PRKCA: variants seen among roughly 807,000 people sequenced by gnomAD.
PRKCA encodes protein kinase C alpha type.
Under a neutral mutation model 87.0 loss-of-function variants are expected in PRKCA, and 27 were observed. The observed-to-expected ratio is 0.31, with a 90% CI of 0.23 to 0.43. The LOEUF is 0.43. PRKCA is among the 20% of genes least tolerant of loss of function. The pLI, the probability that PRKCA is intolerant of heterozygous loss-of-function variation, is 1.00. For synonymous variants in PRKCA, 329 were observed against 311.1 expected, an observed-to-expected ratio of 1.06 and a Z score of -0.61; for missense variants, 518 against 852.3, an observed-to-expected ratio of 0.61 and a Z score of 4.88.
chr17:66,418,812 C>T (rs8079499), intron 2 of PRKCA, among the ~76,000 whole-genome samples: 5,637 of 152,052 alleles, frequency 0.037, 179 homozygotes, highest in East Asian at 0.17. Context: ...AGTGCAGTGG[C>T]GCGATCTCGG....
chr17:66,323,865 A>G (rs1188177547), intron 2 of PRKCA, among the ~76,000 whole-genome samples: 2 of 152,124 alleles, frequency 1.3e-5, no homozygotes, highest in Non-Finnish European at 2.9e-5. Flanking sequence ...TGAATCTGGT[A>G]GGTAGGTGGA....
At chr17:66,421,980 A>G (rs77169728) in intron 2 of PRKCA, among the ~76,000 whole-genome samples, 6,662 of 152,198 alleles carry the variant, frequency 0.044, 178 homozygotes, top group South Asian at 0.11. Context: ...TAGATGTTTA[A>G]GATCAAGGTG....
chr17:66,356,423 C>T lies in PRKCA; in HGVS notation c.205+50296C>T, dbSNP rs182093144. On this transcript the variant is annotated intron_variant, in intron 2 of 16. Coordinates refer to ENST00000413366, the MANE Select transcript of PRKCA (RefSeq NM_002737.3). Reference sequence around the variant, plus strand: ...GGCCAAGGCAGGCAGATCACAAGGTCAGGAGATCGAGGCCATCCTAGCTAA... The same window carrying T: ...GGCCAAGGCAGGCAGATCACAAGGTTAGGAGATCGAGGCCATCCTAGCTAA... Among the ~76,000 whole-genome samples, 335 of 152,234 alleles carry T rather than the reference C, an allele frequency of 2.2e-3. 1 individual carries two copies. Among genetic ancestry groups the T allele is most frequent in the African/African-American group, 7.7e-3 (319 of 41,558 alleles).
chr17:66,745,858 T>C (rs1974267369), intron 13 of PRKCA, among the ~76,000 whole-genome samples: 1 of 152,112 alleles, frequency 6.6e-6, no homozygotes, highest in Non-Finnish European at 1.5e-5. Flanking sequence ...CAAGCCCAGG[T>C]CACCTCCAAA....
At position 66,439,517 on chromosome 17, in the gene PRKCA, C is replaced by T. The variant is rs936609968; in HGVS notation, c.206-56684C>T. ...TATACAGGTGAAAAAAATTATGTTG[C>T]TCTACCATTTCCACAAATGGCATAG... is the stretch of plus-strand genomic sequence containing the variant. On this transcript the variant is annotated intron_variant, in intron 2 of 16. Transcript: ENST00000413366. Among the ~76,000 whole-genome samples, 4 of 152,170 alleles carry T rather than the reference C, an allele frequency of 2.6e-5. No individual in the cohort carries two copies. In the East Asian group the frequency reaches 5.8e-4, roughly 22 times the overall value.
At chr17:66,472,056 G>T (rs1915348890) in intron 2 of PRKCA, among the ~76,000 whole-genome samples, 1 of 152,116 alleles carries the variant, frequency 6.6e-6, no homozygotes, top group Non-Finnish European at 1.5e-5. Flanking sequence ...GGAACTCCTG[G>T]GCTCAAGCAG....
intron 2 of PRKCA, among the ~76,000 whole-genome samples, chr17:66,458,646 A>T (rs971831421): frequency 3.3e-5 from 5 of 151,848 alleles, no homozygotes; most frequent in Non-Finnish European, 7.4e-5. Context: ...ACGCCCAGCT[A>T]ATTTTTGTAT....
At chr17:66,720,588 A>G (rs1024942470) in intron 8 of PRKCA, among the ~76,000 whole-genome samples, 2 of 152,226 alleles carry the variant, frequency 1.3e-5, no homozygotes, top group African/African-American at 4.8e-5. Flanking sequence ...CCTTAGAGGT[A>G]TGATGCTGTG....
chr17:66,565,093 T>C (rs372522152), intron 3 of PRKCA, among the ~76,000 whole-genome samples: 1 of 152,154 alleles, frequency 6.6e-6, no homozygotes, highest in African/African-American at 2.4e-5. Context: ...CCAACACTTA[T>C]TATGGATGTA....
intron 2 of PRKCA, among the ~76,000 whole-genome samples, chr17:66,377,713 A>ATTT: frequency 1.4e-5 from 1 of 72,352 alleles, no homozygotes; most frequent in African/African-American, 4.8e-5. Flanking sequence ...ATATATATAT[A>ATTT]TATATATATT....
At chr17:66,377,501 A>G (rs565678678) in intron 2 of PRKCA, among the ~76,000 whole-genome samples, 2 of 148,946 alleles carry the variant, frequency 1.3e-5, no homozygotes, top group African/African-American at 2.5e-5. Context: ...ACATGTATAC[A>G]TGTATATACG....
intron 5 of PRKCA, among the ~76,000 whole-genome samples, chr17:66,646,218 G>A (rs1430582680): frequency 6.6e-6 from 1 of 152,108 alleles, no homozygotes; most frequent in Non-Finnish European, 1.5e-5. Flanking sequence ...CCCTATCCAG[G>A]GGCCTGGTTA....
chr17:66,639,622 A>G (rs2143790708), intron 3 of PRKCA, among the ~76,000 whole-genome samples: 1 of 152,142 alleles, frequency 6.6e-6, no homozygotes, highest in African/African-American at 2.4e-5. Context: ...TCCTGATCTC[A>G]GGTGATCTGA....
intron 2 of PRKCA, among the ~76,000 whole-genome samples, chr17:66,452,865 A>AAAAC (rs1363538560): frequency 2.6e-5 from 4 of 152,184 alleles, no homozygotes; most frequent in Admixed American, 1.3e-4. Flanking sequence ...CTCCGTCTCA[A>AAAAC]AAACAAACAA....
At chr17:66,727,061 A>G (rs1263054080) in intron 8 of PRKCA, among the ~76,000 whole-genome samples, 3 of 152,098 alleles carry the variant, frequency 2.0e-5, no homozygotes, top group Non-Finnish European at 4.4e-5. Context: ...CAGCGAGAGC[A>G]ACGGGACATC....
At chr17:66,421,434 T>C (rs113211429) in intron 2 of PRKCA, among the ~76,000 whole-genome samples, 1 of 142,254 alleles carries the variant, frequency 7.0e-6, no homozygotes, top group Non-Finnish European at 1.6e-5. Context: ...CTCTGTTTTT[T>C]TTTTTTTTTT....
intron 2 of PRKCA, among the ~76,000 whole-genome samples, chr17:66,484,715 A>G (rs906163748): frequency 6.6e-6 from 1 of 152,222 alleles, no homozygotes; most frequent in Non-Finnish European, 1.5e-5. Context: ...TAAAAACCAT[A>G]TACTCTTCTT....
chr17:66,777,485 G>C (rs1000273014), intron 14 of PRKCA: 67 of 965,904 alleles, frequency 6.9e-5, no homozygotes, highest in Non-Finnish European at 8.0e-5. Flanking sequence ...TGTAAACACA[G>C]AAAGGCAGTT....
intron 2 of PRKCA, among the ~76,000 whole-genome samples, chr17:66,316,123 C>T (rs1286086463): frequency 2.0e-5 from 3 of 152,056 alleles, no homozygotes; most frequent in Admixed American, 6.6e-5. Context: ...GAATGGCATG[C>T]GTGAGAGAGG....
Sources: allele counts gnomAD v4.1 joint callset (sites outside exome capture counted in the v4.1 genomes callset), GRCh38; gene constraint gnomAD v4.1.1; transcripts MANE v1.5; gene names NCBI Gene and HGNC (gene_info 2026-07-23, HGNC 2026-07-21).